CYP26B1: variants seen among roughly 807,000 people sequenced by gnomAD.
The protein encoded by CYP26B1 is cytochrome P450 26B1.
Under a neutral mutation model 39.1 loss-of-function variants are expected in CYP26B1, and 8 were observed. The observed-to-expected ratio is 0.20, with a 90% CI of 0.12 to 0.37. The LOEUF is 0.37. CYP26B1 is among the 10% of genes least tolerant of loss of function. The pLI, the probability that CYP26B1 is intolerant of heterozygous loss-of-function variation, is 1.00. For missense variants in CYP26B1, 615 were observed against 707.0 expected (o/e 0.87, Z 1.48); for synonymous variants, 321 against 314.3 (o/e 1.02, Z -0.23).
rs746333166 is a variant in CYP26B1, at chr2:72,144,110, C to T, written c.308G>A (p.Arg103His). The stretch of plus-strand genomic sequence containing the variant: ...GTGGTGCTCGCCCATGAGGATCTTG[C>T]GCACGTTCTCCGCGCCGGTCACGCG... ...LIRVTGAENV[R>H]KILMGEHHLV... Residue 103 changes from arginine to histidine, a missense_variant, in exon 2 of 6, where the codon CGC becomes CAC. By Grantham distance (29) the Arg-to-His change is conservative. Coordinates refer to ENST00000001146, the MANE Select transcript of CYP26B1 (RefSeq NM_019885.4). 1 of 1,611,966 alleles carries T rather than the reference C, an allele frequency of 6.2e-7. No individual in the cohort carries two copies.
At chr2:72,135,734 T>C (rs550879142) in intron 2 of CYP26B1, among the ~76,000 whole-genome samples, 1 of 152,098 alleles carries the variant, frequency 6.6e-6, no homozygotes, top group Non-Finnish European at 1.5e-5. Flanking sequence ...TACAGGGAAG[T>C]AGGGGAAGGC....
At chr2:72,136,346 C>T (rs1184820916) in intron 2 of CYP26B1, among the ~76,000 whole-genome samples, 4 of 152,178 alleles carry the variant, frequency 2.6e-5, no homozygotes, top group African/African-American at 9.7e-5. Context: ...CCCTACTGCC[C>T]CCCCAAACAC....
At position 72,135,542 on chromosome 2, in the gene CYP26B1, CTTGGG is replaced by C. The variant is rs1676746763; in HGVS notation, c.430-128_430-124del. On this transcript the variant is annotated intron_variant, in intron 2 of 5. Transcript: ENST00000001146. Reference sequence around the variant, plus strand: ...TTCAGCTTCCACACAACAGCAAAGCCTTGGGAGCTGGGCAGGCCAGCTGCCAGCAA... The same window carrying C: ...TTCAGCTTCCACACAACAGCAAAGCCAGCTGGGCAGGCCAGCTGCCAGCAA... The C allele has an allele frequency of 4.9e-6, 7 of 1,428,086 alleles. No individual in the cohort carries two copies. In the African/African-American group the frequency reaches 8.4e-5, roughly 17 times the overall value. 88.5% of individuals were successfully genotyped at this position (1,428,086 alleles called of 1,614,324 possible). A position where few individuals can be genotyped will look rare whatever the true frequency, so the allele number is the denominator to read the frequency against.
In CYP26B1 at chr2:72,129,627, G is replaced by T. The variant is rs1469894453; in HGVS notation, c.*2600C>A. Reference sequence around the variant, plus strand: ...AATTATAACATTTATGAAAAAAAAGGTTTGTGTATAAAATAATATTATAGC... The same window carrying T: ...AATTATAACATTTATGAAAAAAAAGTTTTGTGTATAAAATAATATTATAGC... On this transcript the variant is annotated 3_prime_UTR_variant, in exon 6 of 6. Coordinates refer to ENST00000001146, the MANE Select transcript of CYP26B1 (RefSeq NM_019885.4). 6.6e-6 allele frequency: 1 copy of T among 151,662 alleles called. No homozygotes were observed. Among genetic ancestry groups the T allele is most frequent in the African/African-American group, 2.4e-5 (1 of 41,164 alleles). 9.4% of individuals were successfully genotyped at this position (151,662 alleles called of 1,614,324 possible).
In CYP26B1 at chr2:72,132,553, C is replaced by T. The variant is rs759817226; in HGVS notation, c.1213G>A (p.Val405Met). 28 of 1,608,978 alleles carry T rather than the reference C, an allele frequency of 1.7e-5. No individual in the cohort carries two copies. In the Middle Eastern group the frequency reaches 4.9e-4, roughly 28 times the overall value. ...TCGAACACGTTCACGTCTTTGAACA[C>T]GGGCGCTGTGTCATGGGTGTCCCGG... is the stretch of plus-strand genomic sequence containing the variant. ...SIRDTHDTAP[V>M]FKDVNVFDPD... Residue 405 changes from valine (V) to methionine (M), a missense_variant, in exon 6 of 6, where the codon GTG (valine) becomes ATG (methionine). Coordinates refer to ENST00000001146, the MANE Select transcript of CYP26B1 (RefSeq NM_019885.4).
At chr2:72,144,384 C>T in intron 1 of CYP26B1, 171 bp from the exon 2 acceptor site, 1 of 1,432,390 alleles carries the variant, frequency 7.0e-7, no homozygotes, top group Non-Finnish European at 9.1e-7. Context: ...ACAAGAACTG[C>T]GAAGTAGGGC....
chr2:72,145,058 A>T (rs1195758009), intron 1 of CYP26B1, among the ~76,000 whole-genome samples: 10 of 152,056 alleles, frequency 6.6e-5, no homozygotes. Flanking sequence ...TGACGTCGGC[A>T]CTAGTTACCC....
chr2:72,133,412 C>A lies in CYP26B1; in HGVS notation c.862-105G>T, dbSNP rs138519959. 6.7e-4 allele frequency: 946 copies of A among 1,416,908 alleles called. 7 individuals are homozygous for A. The African/African-American group carries it at 0.012, about 17-fold the overall frequency. 87.8% of individuals were successfully genotyped at this position (1,416,908 alleles called of 1,614,324 possible). ...TGTGCCCAGGTCATCTGTGCTGGGC[C>A]CTGCCTGGTTCCTGCAGTGAATTCT... On this transcript the variant is annotated intron_variant, in intron 4 of 5. Transcript: ENST00000001146.
rs1677145765 is a variant in CYP26B1 at position 72,147,223 on chromosome 2, A to G, written c.204+408T>C. 6.6e-6 allele frequency among the ~76,000 whole-genome samples: 1 copy of G among 152,066 alleles called. No homozygotes were observed. Among genetic ancestry groups the G allele is most frequent in the Non-Finnish European group, 1.5e-5 (1 of 68,004 alleles). On this transcript the variant is annotated intron_variant, in intron 1 of 5. Coordinates refer to ENST00000001146, the MANE Select transcript of CYP26B1 (RefSeq NM_019885.4). This position sits in a 1 kb window ranked among gnomAD's most constrained non-coding sequence, Gnocchi z 6.1. The stretch of plus-strand genomic sequence containing the variant: ...ATTTTCGGCTCCCAGCGACACAGCC[A>G]ACCCCAGAAAGCCGAGGGCGACTGG...
Position 72,147,763 on chromosome 2 carries a change from C to G in CYP26B1, c.72G>C (p.Leu24=). ...ACAGCTGCTGCGACACGGCCAGCAGCAGCGTCACGGACACCAGGCACGCGG... is the reference window on the plus strand; with the variant it reads ...ACAGCTGCTGCGACACGGCCAGCAGGAGCGTCACGGACACCAGGCACGCGG... ...TLAACLVSVT[L]LLAVSQQLWQ... The change falls in exon 1 of 6, where the codon CTG becomes CTC. Residue 24 remains leucine (L), a synonymous_variant. Coordinates refer to ENST00000001146, the MANE Select transcript of CYP26B1 (RefSeq NM_019885.4). This position sits in a 1 kb window ranked among gnomAD's most constrained non-coding sequence, Gnocchi z 6.1. The G allele has an allele frequency of 1.3e-6, 2 of 1,582,718 alleles. No homozygotes were observed. The highest frequency in any genetic ancestry group is 1.7e-6 in the Non-Finnish European group (2 of 1,165,442).
chr2:72,131,829 C>A lies in CYP26B1; in HGVS notation c.*398G>T. 9.5e-6 allele frequency: 2 copies of A among 209,564 alleles called. No individual in the cohort carries two copies. Among genetic ancestry groups the A allele is most frequent in the African/African-American group, 2.3e-5 (1 of 43,124 alleles). 13.0% of individuals were successfully genotyped at this position (209,564 alleles called of 1,614,324 possible). On this transcript the variant is annotated 3_prime_UTR_variant, in exon 6 of 6. Coordinates refer to ENST00000001146, the MANE Select transcript of CYP26B1 (RefSeq NM_019885.4). ...GAGGAGGAGACGCTGAAGAGTGCGC[C>A]CAAGGGGGCACGGCTCTTCCCGTCC...
intron 2 of CYP26B1, among the ~76,000 whole-genome samples, chr2:72,135,855 G>C (rs931059852): frequency 1.3e-5 from 2 of 152,114 alleles, no homozygotes; most frequent in African/African-American, 4.8e-5. Context: ...ACACCTACTG[G>C]GTGCAGATTC....
In CYP26B1 at chr2:72,132,320, G is replaced by C. The variant is rs368847380; in HGVS notation, c.1446C>G (p.Pro482=). ...AGAACTTGACGCTGAGGCCATCCAC[G>C]GGGTGCAGGACGGGGACCAAGGTGA... ...PRITLVPVLH[P]VDGLSVKFFG... is the part of the protein sequence containing the mutation. The change falls in exon 6 of 6, where the codon CCC becomes CCG. Residue 482 remains proline (P), a synonymous_variant. Transcript: ENST00000001146. The C allele has an allele frequency of 2.5e-6, 4 of 1,609,822 alleles. No individual in the cohort carries two copies. Among genetic ancestry groups the C allele is most frequent in the Non-Finnish European group, 3.4e-6 (4 of 1,178,228 alleles).
At position 72,133,093 on chromosome 2, in the gene CYP26B1, T is replaced by C; in HGVS notation, c.1076A>G (p.Lys359Arg). The change falls in exon 5 of 6, where the codon AAG becomes AGG. Residue 359 changes from lysine (K) to arginine (R), a missense_variant. By Grantham distance (26) the Lys-to-Arg change is conservative. Transcript: ENST00000001146. ...GGGCGTGAACAGGCGCATGACCTCC[T>C]TGATGACGCAGTCCAGGTAGCGCAG... is the stretch of plus-strand genomic sequence containing the variant. Reference protein sequence around the residue: ...SGLRYLDCVIKEVMRLFTPIS... With the variant: ...SGLRYLDCVIREVMRLFTPIS... 6.2e-7 allele frequency: 1 copy of C among 1,613,222 alleles called. No individual in the cohort carries two copies.
intron 5 of CYP26B1, among the ~76,000 whole-genome samples, 158 bp from the exon 6 acceptor site, chr2:72,132,777 A>G (rs886572703): frequency 2.0e-5 from 3 of 152,200 alleles, no homozygotes; most frequent in Non-Finnish European, 2.9e-5. Context: ...AGCCTGCCCC[A>G]TTCAGCATGT....
intron 4 of CYP26B1, among the ~76,000 whole-genome samples, chr2:72,134,175 A>C (rs1376672406): frequency 6.6e-6 from 1 of 152,196 alleles, no homozygotes; most frequent in Non-Finnish European, 1.5e-5. Flanking sequence ...GTGAGTGTCC[A>C]TGGGCACCCA....
At chr2:72,133,411 C>G in intron 4 of CYP26B1, 104 bp from the exon 5 acceptor site, 1 of 1,425,174 alleles carries the variant, frequency 7.0e-7, no homozygotes, top group Non-Finnish European at 9.6e-7. Flanking sequence ...CTGTGCTGGG[C>G]CCTGCCTGGT....
intron 2 of CYP26B1, 127 bp from the exon 3 acceptor site, chr2:72,135,546 G>A: frequency 7.1e-7 from 1 of 1,400,892 alleles, no homozygotes; most frequent in Non-Finnish European, 9.9e-7. Context: ...CAAAGCCTTG[G>A]GAGCTGGGCA....
chr2:72,144,909 G>A (rs1273501647), intron 1 of CYP26B1, among the ~76,000 whole-genome samples: 4 of 152,214 alleles, frequency 2.6e-5, no homozygotes, highest in African/African-American at 7.2e-5. Flanking sequence ...CCAGATCCCC[G>A]GTGGTGGCGG....
Sources: gnomAD v4.1 joint callset for allele counts (sites outside exome capture counted in the v4.1 genomes callset) on GRCh38, gnomAD v4.1.1 for gene constraint, Gnocchi (gnomAD v3.1) non-coding constraint, MANE v1.5 for transcripts, NCBI Gene and HGNC (gene_info 2026-07-23, HGNC 2026-07-21) for gene names.